The following ESRRG variants were observed in gnomAD, a reference collection of about 807,000 sequenced individuals.
ESRRG encodes estrogen related receptor gamma, also known as estrogen-related receptor gamma.
In ESRRG, 13 loss-of-function variants were observed where a neutral mutation model predicts 44.0. The observed-to-expected ratio is 0.30, with a 90% CI of 0.19 to 0.47. ESRRG has a LOEUF of 0.47. Among genes scored for constraint, ESRRG ranks in the 20% least tolerant of loss-of-function variants. ESRRG has a pLI of 1.00. For missense variants in ESRRG, 395 were observed against 580.6 expected, an observed-to-expected ratio of 0.68 and a Z score of 3.29; for synonymous variants, 215 against 214.6, an observed-to-expected ratio of 1.00 and a Z score of -0.02.
intron 1 of ESRRG, among the ~76,000 whole-genome samples, chr1:217,043,729 T>C (rs1221861283): frequency 2.0e-5 from 3 of 152,026 alleles, no homozygotes; most frequent in Non-Finnish European, 4.4e-5. Flanking sequence ...TAAAAAAAAG[T>C]GTTAATGTTC....
intron 1 of ESRRG, among the ~76,000 whole-genome samples, chr1:217,134,664 A>G (rs1460525612): frequency 1.3e-5 from 2 of 152,218 alleles, no homozygotes; most frequent in Non-Finnish European, 2.9e-5. Flanking sequence ...TGAGAGAAAG[A>G]GCGCCTGGCT....
intron 2 of ESRRG, among the ~76,000 whole-genome samples, chr1:216,826,073 A>C (rs1466456838): frequency 2.0e-5 from 3 of 152,032 alleles, no homozygotes; most frequent in African/African-American, 7.2e-5. Context: ...AAGTTTATCT[A>C]AAATTCTCAT....
chr1:217,017,707 G>T (rs72741465), intron 1 of ESRRG, among the ~76,000 whole-genome samples: 3,525 of 152,022 alleles, frequency 0.023, 83 homozygotes, highest in Non-Finnish European at 0.032. Context: ...TACGCCATAG[G>T]ATTTCTGGAA....
intron 5 of ESRRG, among the ~76,000 whole-genome samples, chr1:216,545,615 AAAT>A (rs1440598632): frequency 1.3e-5 from 2 of 152,104 alleles, no homozygotes; most frequent in East Asian, 1.9e-4. Flanking sequence ...ATTGATATTC[AAAT>A]AATAAGAAAT....
At chr1:217,069,574 C>A (rs2090290166) in intron 1 of ESRRG, among the ~76,000 whole-genome samples, 1 of 152,094 alleles carries the variant, frequency 6.6e-6, no homozygotes, top group South Asian at 2.1e-4. Flanking sequence ...TTCCTCTTTC[C>A]ACTCTGACTT....
chr1:217,058,013 G>A (rs1393731661), intron 1 of ESRRG, among the ~76,000 whole-genome samples: 2 of 152,074 alleles, frequency 1.3e-5, no homozygotes, highest in African/African-American at 4.8e-5. Context: ...AGTAAGAAAA[G>A]CGAGGGAAGA....
chr1:216,807,260 T>C (rs2094824844), intron 2 of ESRRG, among the ~76,000 whole-genome samples: 1 of 152,174 alleles, frequency 6.6e-6, no homozygotes, highest in African/African-American at 2.4e-5. Flanking sequence ...AGAGGTTCTC[T>C]TGGGGATCTC....
chr1:216,581,072 A>G (rs1018831968), intron 3 of ESRRG, among the ~76,000 whole-genome samples: 13 of 152,218 alleles, frequency 8.5e-5, no homozygotes, highest in African/African-American at 3.1e-4. Context: ...AGAAATTTAC[A>G]ACATATAGAC....
In ESRRG at chr1:216,892,649, G is replaced by A. The variant is rs149154581; in HGVS notation, c.-14+46933C>T. On this transcript the variant is annotated intron_variant, in intron 2 of 7. Coordinates refer to the ESRRG transcript ENST00000359162. ...TGTTCTGAACCAATTTATACCAACC[G>A]TCTAGAAGGCAAAGAAAGTAGGGAG... Among the ~76,000 whole-genome samples the A allele has an allele frequency of 1.2e-4, 18 of 152,266 alleles. No homozygotes were observed. The South Asian group carries it at 2.3e-3, about 19-fold the overall frequency.
intron 1 of ESRRG, among the ~76,000 whole-genome samples, chr1:216,976,836 G>T (rs913968457): frequency 2.6e-5 from 4 of 152,164 alleles, no homozygotes; most frequent in African/African-American, 4.8e-5. Flanking sequence ...AAAACAAAGA[G>T]AGAGAGTTTA....
chr1:216,535,541 G>T (rs1481450645), intron 5 of ESRRG, among the ~76,000 whole-genome samples: 2 of 152,090 alleles, frequency 1.3e-5, no homozygotes, highest in African/African-American at 4.8e-5. Flanking sequence ...TCTGTAGCAG[G>T]ACTAATTCTT....
chr1:216,993,606 AGAT>A, intron 1 of ESRRG, among the ~76,000 whole-genome samples: 1 of 152,270 alleles, frequency 6.6e-6, no homozygotes, highest in South Asian at 2.1e-4. Context: ...ACTCACCCGG[AGAT>A]GATGAGGGCA....
chr1:216,972,485 G>A (rs2071890377), intron 1 of ESRRG, among the ~76,000 whole-genome samples: 2 of 152,128 alleles, frequency 1.3e-5, no homozygotes, highest in Non-Finnish European at 2.9e-5. Flanking sequence ...GAACCTCCAT[G>A]TTCATATACA....
chr1:216,953,087 C>G (rs2067253815), intron 1 of ESRRG, among the ~76,000 whole-genome samples: 1 of 152,122 alleles, frequency 6.6e-6, no homozygotes, highest in African/African-American at 2.4e-5. Context: ...CTGCTTCGAG[C>G]TTTTCTGACA....
intron 2 of ESRRG, among the ~76,000 whole-genome samples, chr1:216,730,972 T>A (rs1213856090): frequency 6.6e-6 from 1 of 152,190 alleles, no homozygotes; most frequent in African/African-American, 2.4e-5. Context: ...AATATTCATA[T>A]TGACTAAGTA....
chr1:216,779,558 A>G (rs1291539917), intron 2 of ESRRG, among the ~76,000 whole-genome samples: 2 of 101,864 alleles, frequency 2.0e-5, no homozygotes, highest in Non-Finnish European at 3.7e-5. Flanking sequence ...ATAATTATAT[A>G]TTATATATAA....
chr1:217,033,807 A>T (rs567831766), intron 1 of ESRRG, among the ~76,000 whole-genome samples: 1 of 152,346 alleles, frequency 6.6e-6, no homozygotes, highest in East Asian at 1.9e-4. Context: ...TAGGCAGTTC[A>T]TATAGGGTCT....
intron 2 of ESRRG, among the ~76,000 whole-genome samples, chr1:216,732,748 G>A (rs996338113): frequency 4.8e-5 from 7 of 147,142 alleles, no homozygotes; most frequent in Non-Finnish European, 7.5e-5. Context: ...AGGCATCAGT[G>A]ATCAATGATC....
intron 3 of ESRRG, among the ~76,000 whole-genome samples, chr1:216,612,543 T>G (rs1208368756): frequency 1.3e-5 from 2 of 152,256 alleles, no homozygotes; most frequent in East Asian, 3.9e-4. Context: ...CCCCCCTCCT[T>G]TCTTGTTTCC....
Sources: gnomAD v4.1 joint callset for allele counts (sites outside exome capture counted in the v4.1 genomes callset) on GRCh38, gnomAD v4.1.1 for gene constraint, MANE v1.5 for transcripts, NCBI Gene and HGNC (gene_info 2026-07-23, HGNC 2026-07-21) for gene names.